Variants in NT5C2 observed in about 807,000 individuals in gnomAD.
The protein encoded by NT5C2 is 5'-nucleotidase, cytosolic II.
In NT5C2, 58 loss-of-function variants were observed where a neutral mutation model predicts 76.1. The ratio of observed to expected loss-of-function variants is 0.76; its 90% CI spans 0.62 to 0.95. The LOEUF (loss-of-function observed/expected upper bound fraction) is 0.95, where lower values mean the gene tolerates loss of function less well. NT5C2 is among the 40% of genes least tolerant of loss of function. The pLI, the probability that NT5C2 is intolerant of heterozygous loss-of-function variation, is 0.00. For synonymous variants in NT5C2, 229 were observed against 237.4 expected (o/e 0.96, Z 0.32); for missense variants, 478 against 690.3 (o/e 0.69, Z 3.45).
chr10:103,179,900 C>T (rs951705611), intron 2 of NT5C2, among the ~76,000 whole-genome samples: 13 of 152,122 alleles, frequency 8.5e-5, no homozygotes, highest in Non-Finnish European at 1.8e-4. Flanking sequence ...TAACAGAGGA[C>T]TTAAAAAACT....
intron 4 of NT5C2, among the ~76,000 whole-genome samples, chr10:103,126,311 T>G (rs975862654): frequency 2.6e-5 from 4 of 152,170 alleles, no homozygotes; most frequent in African/African-American, 9.7e-5. Flanking sequence ...GTAAATAGGC[T>G]TGGCAGGTAT....
In NT5C2 at chr10:103,163,860, C is replaced by CAAAA. The variant is rs1156583063; in HGVS notation, c.101+10994_101+10997dup. On this transcript the variant is annotated intron_variant, in intron 3 of 18. Coordinates refer to ENST00000404739, the MANE Select transcript of NT5C2 (RefSeq NM_001351169.2). ...AGTGAAACCGTCTCTACTAAAAATA[C>CAAAA]AAAAAAAAAACAAAAAAAAAAAAAC... Among the ~76,000 whole-genome samples the CAAAA allele has an allele frequency of 9.3e-4, 47 of 50,392 alleles. No individual in the cohort carries two copies. The East Asian group carries it at 0.013, about 14-fold the overall frequency. The allele number at this position is 50,392 out of a possible 152,430, so 33.1% of individuals were successfully genotyped here. A position where few individuals can be genotyped will look rare whatever the true frequency, so the allele number is the denominator to read the frequency against.
At chr10:103,112,641 G>T (rs1336127197) in intron 4 of NT5C2, among the ~76,000 whole-genome samples, 1 of 152,116 alleles carries the variant, frequency 6.6e-6, no homozygotes. Context: ...CCAATTCTTG[G>T]ATTTTTGGGG....
At chr10:103,177,948 C>G (rs992658900) in intron 2 of NT5C2, among the ~76,000 whole-genome samples, 3 of 152,142 alleles carry the variant, frequency 2.0e-5, no homozygotes, top group Non-Finnish European at 4.4e-5. Flanking sequence ...GCCCTCTACC[C>G]AGCCCCTGGC....
intron 1 of NT5C2, among the ~76,000 whole-genome samples, chr10:103,185,671 A>G (rs2091931146): frequency 6.6e-6 from 1 of 151,882 alleles, no homozygotes; most frequent in Non-Finnish European, 1.5e-5. Flanking sequence ...AAAGGAAAAA[A>G]AAAAAAAAGC....
rs184487866 is a variant in NT5C2, at chr10:103,091,137, C to G, written c.1212-141G>C. 125 of 701,446 alleles carry G rather than the reference C, an allele frequency of 1.8e-4. 2 individuals carry two copies. The highest frequency in any genetic ancestry group is 1.6e-3 in the South Asian group (96 of 59,348). The allele number at this position is 701,446 out of a possible 1,614,324, so 43.5% of individuals were successfully genotyped here. Reference sequence around the variant, plus strand: ...GCAACCTCTGCCTCCCAGCTTCAAGCGATTCTCCTGCCTCAGCCACCCTAA... The same window carrying G: ...GCAACCTCTGCCTCCCAGCTTCAAGGGATTCTCCTGCCTCAGCCACCCTAA... On this transcript the variant is annotated intron_variant, in intron 16 of 18. Coordinates refer to ENST00000404739, the MANE Select transcript of NT5C2 (RefSeq NM_001351169.2).
chr10:103,185,796 G>A (rs953413764), intron 1 of NT5C2, among the ~76,000 whole-genome samples: 1 of 151,302 alleles, frequency 6.6e-6, no homozygotes, highest in African/African-American at 2.4e-5. Context: ...AATTTAAAAA[G>A]ATAAAATCGG....
intron 3 of NT5C2, among the ~76,000 whole-genome samples, chr10:103,172,595 G>A (rs1441806702): frequency 6.6e-6 from 1 of 152,094 alleles, no homozygotes; most frequent in Non-Finnish European, 1.5e-5. Flanking sequence ...CAGCAGTTTG[G>A]GAGGCTGAGG....
At chr10:103,091,868 T>C (rs987151588) in intron 15 of NT5C2, among the ~76,000 whole-genome samples, 5 of 152,170 alleles carry the variant, frequency 3.3e-5, no homozygotes, top group African/African-American at 9.7e-5. Context: ...TGATGACAAC[T>C]TTCCCTTCCA....
intron 1 of NT5C2, among the ~76,000 whole-genome samples, chr10:103,191,233 T>C (rs1373318824): frequency 6.6e-6 from 1 of 151,820 alleles, no homozygotes; most frequent in African/African-American, 2.4e-5. Context: ...CTCTACAAAA[T>C]TAGCCAGGCG....
At chr10:103,094,229 AAGAG>A (rs890096761) in intron 13 of NT5C2, 115 bp downstream of exon 13, 3 of 762,978 alleles carry the variant, frequency 3.9e-6, no homozygotes, top group African/African-American at 1.8e-5. Context: ...TTAATTTCAA[AAGAG>A]AGATACGGCT....
chr10:103,155,910 T>C lies in NT5C2; in HGVS notation c.102-16431A>G, dbSNP rs1691712452. On this transcript the variant is annotated intron_variant, in intron 3 of 18. Transcript: ENST00000404739. ...CAGGTGCCATGGCTCACACCTGTAA[T>C]CCCAGCGACTCAGGAAGCTGAACTG... is the stretch of plus-strand genomic sequence containing the variant. Among the ~76,000 whole-genome samples, 4 of 152,250 alleles carry C rather than the reference T, an allele frequency of 2.6e-5. No individual in the cohort carries two copies. The South Asian group carries it at 8.3e-4, about 32-fold the overall frequency.
At chr10:103,106,863 A>G (rs2071422432) in intron 4 of NT5C2, among the ~76,000 whole-genome samples, 157 bp from the exon 5 acceptor site, 1 of 152,162 alleles carries the variant, frequency 6.6e-6, no homozygotes, top group South Asian at 2.1e-4. Flanking sequence ...TATTGCCCCA[A>G]GTAATTAGAG....
chr10:103,093,946 T>C (rs752079151), intron 14 of NT5C2, 26 bp downstream of exon 14: 2 of 1,566,080 alleles, frequency 1.3e-6, no homozygotes, highest in South Asian at 2.2e-5. Flanking sequence ...GCAAAGACAT[T>C]AAATAAAGGG....
chr10:103,093,250 C>A lies in NT5C2; in HGVS notation c.1048G>T (p.Gly350Ter). ...GAKGKDILYIGDHIFGDILKS... is the reference protein window; with the variant it reads ...GAKGKDILYI ...AAAATGTCCCCAAAAATGTGATCTC[C>A]AATATACAAAATGTCTTTTCCCTTG... Residue 350 changes from glycine to a stop codon, truncating the protein, a stop_gained, in exon 15 of 19, where the codon GGA becomes TGA. Coordinates refer to ENST00000404739, the MANE Select transcript of NT5C2 (RefSeq NM_001351169.2). LOFTEE classifies it high-confidence loss of function. 4.3e-6 allele frequency: 7 copies of A among 1,611,212 alleles called. No individual in the cohort carries two copies. Among genetic ancestry groups the A allele is most frequent in the Non-Finnish European group, 5.9e-6 (7 of 1,178,740 alleles).
At chr10:103,127,237 T>C (rs934077099) in intron 4 of NT5C2, among the ~76,000 whole-genome samples, 17 of 152,338 alleles carry the variant, frequency 1.1e-4, no homozygotes, top group Middle Eastern at 3.4e-3. Context: ...ATACTGGCAT[T>C]CTATGGGTAG....
At chr10:103,172,204 C>T (rs962638673) in intron 3 of NT5C2, among the ~76,000 whole-genome samples, 1 of 149,492 alleles carries the variant, frequency 6.7e-6, no homozygotes. Context: ...GACTCTGTCT[C>T]AAAAAATAAA....
chr10:103,136,282 T>C (rs937004897), intron 4 of NT5C2, among the ~76,000 whole-genome samples: 2 of 152,250 alleles, frequency 1.3e-5, no homozygotes, highest in African/African-American at 4.8e-5. Context: ...GGTTCAGGTA[T>C]ATCATAACTA....
chr10:103,158,023 G>GGATCGTGCAGT (rs981428652), intron 3 of NT5C2, among the ~76,000 whole-genome samples: 1 of 151,652 alleles, frequency 6.6e-6, no homozygotes, highest in African/African-American at 2.4e-5. Flanking sequence ...CAGTGAGCCA[G>GGATCGTGCAGT]GATCGTGCCA....
Sources: gnomAD v4.1 joint callset for allele counts (sites outside exome capture counted in the v4.1 genomes callset) on GRCh38, gnomAD v4.1.1 for gene constraint, MANE v1.5 for transcripts, NCBI Gene and HGNC (gene_info 2026-07-23, HGNC 2026-07-21) for gene names.